Variants in TECRL observed in about 807,000 individuals in gnomAD.
TECRL encodes the protein trans-2,3-enoyl-CoA reductase-like.
TECRL carries 63 observed loss-of-function variants against 52.8 expected under a neutral mutation model. That is an observed-to-expected ratio of 1.19 (90% CI 0.97 to 1.47). The LOEUF (loss-of-function observed/expected upper bound fraction) is 1.47, where lower values mean the gene tolerates loss of function less well. Ranked by LOEUF, TECRL falls within the 40% of genes most tolerant of loss-of-function variation. The probability of loss-of-function intolerance (pLI) is 0.00; values close to 1 mark genes in which losing one functional copy is unlikely to be tolerated. For synonymous variants in TECRL, 164 were observed against 141.9 expected (o/e 1.16, Z -1.10); for missense variants, 482 against 429.6 (o/e 1.12, Z -1.08).
intron 2 of TECRL, among the ~76,000 whole-genome samples, chr4:64,343,446 C>A (rs554052313): frequency 5.9e-5 from 9 of 151,940 alleles, no homozygotes; most frequent in Non-Finnish European, 1.2e-4. Flanking sequence ...ACTATATAAC[C>A]AAGTAAACAT....
chr4:64,397,050 C>A (rs1413257071), intron 1 of TECRL, among the ~76,000 whole-genome samples: 1 of 151,934 alleles, frequency 6.6e-6, no homozygotes, highest in Non-Finnish European at 1.5e-5. Context: ...GAGAGAGAAC[C>A]CAGAAATAAA....
intron 2 of TECRL, among the ~76,000 whole-genome samples, chr4:64,341,567 T>C (rs1560513238): frequency 2.0e-5 from 3 of 151,962 alleles, no homozygotes; most frequent in Admixed American, 2.0e-4. Context: ...ATCACATCAT[T>C]GCACTCCAGC....
intron 2 of TECRL, among the ~76,000 whole-genome samples, chr4:64,359,623 C>T (rs1721034928): frequency 6.6e-6 from 1 of 151,790 alleles, no homozygotes; most frequent in African/African-American, 2.4e-5. Flanking sequence ...AATGCTGTGC[C>T]ATAATGAGAA....
chr4:64,339,636 A>G (rs1719405565), intron 2 of TECRL, among the ~76,000 whole-genome samples: 1 of 152,008 alleles, frequency 6.6e-6, no homozygotes, highest in Admixed American at 6.6e-5. Context: ...TGATTTTAAC[A>G]TCACTTTAAT....
At chr4:64,399,027 C>G (rs1285031237) in intron 1 of TECRL, among the ~76,000 whole-genome samples, 1 of 152,058 alleles carries the variant, frequency 6.6e-6, no homozygotes, top group Non-Finnish European at 1.5e-5. Flanking sequence ...GTGTAGCCTG[C>G]CTTATTTTGT....
intron 4 of TECRL, among the ~76,000 whole-genome samples, chr4:64,321,321 CA>C (rs1349449001): frequency 6.6e-6 from 1 of 151,760 alleles, no homozygotes; most frequent in Non-Finnish European, 1.5e-5. Flanking sequence ...GTAAAACTTA[CA>C]AAAATTGGTT....
chr4:64,385,772 G>C (rs1317801273), intron 1 of TECRL, among the ~76,000 whole-genome samples: 1 of 152,086 alleles, frequency 6.6e-6, no homozygotes, highest in Non-Finnish European at 1.5e-5. Flanking sequence ...GTCATCGTGT[G>C]GACTCCAGGC....
At chr4:64,403,565 A>C (rs934066757) in intron 1 of TECRL, among the ~76,000 whole-genome samples, 1 of 151,736 alleles carries the variant, frequency 6.6e-6, no homozygotes, top group African/African-American at 2.4e-5. Flanking sequence ...CTTATAAACT[A>C]TCTAGGACAC....
chr4:64,408,490 A>G (rs548892241), intron 1 of TECRL, among the ~76,000 whole-genome samples: 32 of 152,138 alleles, frequency 2.1e-4, no homozygotes, highest in African/African-American at 7.7e-4. Flanking sequence ...ATATTTTCTC[A>G]TTCCTTAGTG....
At chr4:64,314,372 G>A (rs973266137) in intron 5 of TECRL, among the ~76,000 whole-genome samples, 6 of 151,546 alleles carry the variant, frequency 4.0e-5, no homozygotes, top group Non-Finnish European at 5.9e-5. Context: ...TCTGAATTTC[G>A]CAGTTGCTCT....
chr4:64,389,387 T>G (rs542039644), intron 1 of TECRL, among the ~76,000 whole-genome samples: 1 of 152,064 alleles, frequency 6.6e-6, no homozygotes, highest in East Asian at 1.9e-4. Flanking sequence ...GTGATTTTCT[T>G]TACTTTATCC....
chr4:64,368,901 C>T (rs1436369868), intron 2 of TECRL, among the ~76,000 whole-genome samples: 5 of 152,012 alleles, frequency 3.3e-5, no homozygotes, highest in African/African-American at 1.2e-4. Context: ...TTATTTGTAT[C>T]CCCCAGCATT....
At chr4:64,346,304 G>A (rs1291350691) in intron 2 of TECRL, among the ~76,000 whole-genome samples, 1 of 152,220 alleles carries the variant, frequency 6.6e-6, no homozygotes, top group Non-Finnish European at 1.5e-5. Flanking sequence ...CCACTAGGCA[G>A]TGCCCCAGTG....
intron 6 of TECRL, 99 bp from the exon 7 acceptor site, chr4:64,305,337 A>G: frequency 1.0e-6 from 1 of 959,882 alleles, no homozygotes; most frequent in East Asian, 2.6e-5. Flanking sequence ...ACAATTTGAA[A>G]CCACCACATA....
At chr4:64,301,647 G>A (rs542868020) in intron 7 of TECRL, among the ~76,000 whole-genome samples, 1 of 151,124 alleles carries the variant, frequency 6.6e-6, no homozygotes, top group South Asian at 2.1e-4. Flanking sequence ...TAACTGAAAA[G>A]GATATCTTGT....
intron 2 of TECRL, 81 bp downstream of exon 2, chr4:64,375,091 A>G: frequency 1.5e-6 from 1 of 646,258 alleles, no homozygotes; most frequent in East Asian, 3.5e-5. Context: ...ACTCTAACAT[A>G]TATTGCACTT....
intron 6 of TECRL, among the ~76,000 whole-genome samples, chr4:64,309,361 G>A (rs1179989899): frequency 6.6e-6 from 1 of 152,014 alleles, no homozygotes; most frequent in Non-Finnish European, 1.5e-5. Flanking sequence ...ATTTTTTCAT[G>A]TTTTGGTAGT....
chr4:64,358,484 T>G (rs1360660768), intron 2 of TECRL, among the ~76,000 whole-genome samples: 1 of 151,674 alleles, frequency 6.6e-6, no homozygotes, highest in Non-Finnish European at 1.5e-5. Context: ...TATAGAAATA[T>G]TTTGATAGGA....
intron 9 of TECRL, among the ~76,000 whole-genome samples, chr4:64,287,548 T>C (rs1019814351): frequency 1.3e-5 from 2 of 152,156 alleles, no homozygotes; most frequent in African/African-American, 4.8e-5. Context: ...CTACATGTAA[T>C]TGAGCCTAAA....
Sources: allele counts gnomAD v4.1 joint callset (sites outside exome capture counted in the v4.1 genomes callset), GRCh38; gene constraint gnomAD v4.1.1; transcripts MANE v1.5; gene names NCBI Gene and HGNC (gene_info 2026-07-23, HGNC 2026-07-21).